NEURL1: variants seen among roughly 807,000 people sequenced by gnomAD.
NEURL1 encodes E3 ubiquitin-protein ligase NEURL1.
A neutral mutation model predicts 41.2 loss-of-function variants in NEURL1; 26 were observed. The observed-to-expected ratio is 0.63, with a 90% CI of 0.46 to 0.87. NEURL1 has a LOEUF of 0.87. Among genes scored for constraint, NEURL1 ranks in the 40% least tolerant of loss-of-function variants. The probability of loss-of-function intolerance (pLI) is 0.00; values close to 1 mark genes in which losing one functional copy is unlikely to be tolerated. For synonymous variants in NEURL1, 400 were observed against 402.3 expected, an observed-to-expected ratio of 0.99 and a Z score of 0.07; for missense variants, 761 against 871.1, an observed-to-expected ratio of 0.87 and a Z score of 1.59.
chr10:103,588,596 G>T (rs2035971333), intron 4 of NEURL1: 4 of 344,194 alleles, frequency 1.2e-5, no homozygotes, highest in South Asian at 8.5e-5. Context: ...CCTTGGTAAG[G>T]ATTTGTTGAA....
At chr10:103,533,629 T>C (rs185095343) in intron 1 of NEURL1, among the ~76,000 whole-genome samples, 30 of 152,176 alleles carry the variant, frequency 2.0e-4, no homozygotes, top group East Asian at 1.5e-3. Flanking sequence ...CTCTGCCTCC[T>C]GGGTTCACAC....
intron 1 of NEURL1, among the ~76,000 whole-genome samples, chr10:103,505,348 C>T (rs1158421452): frequency 1.3e-5 from 2 of 151,812 alleles, no homozygotes; most frequent in Non-Finnish European, 2.9e-5. Flanking sequence ...CTCAGCCTCC[C>T]GAATAGCTGG....
At chr10:103,532,429 T>C (rs935848663) in intron 1 of NEURL1, among the ~76,000 whole-genome samples, 4 of 152,222 alleles carry the variant, frequency 2.6e-5, no homozygotes, top group Admixed American at 2.0e-4. Flanking sequence ...TAGGATTCCA[T>C]TGAGCATTTC....
chr10:103,589,998 G>T, intron 5 of NEURL1, 136 bp from the exon 6 acceptor site: 2 of 916,568 alleles, frequency 2.2e-6, no homozygotes, highest in Non-Finnish European at 3.4e-6. Context: ...TTGTGCCCTG[G>T]AAGTTGGGTT....
chr10:103,548,760 A>G (rs1335916998), intron 1 of NEURL1, among the ~76,000 whole-genome samples: 1 of 152,180 alleles, frequency 6.6e-6, no homozygotes, highest in Non-Finnish European at 1.5e-5. Context: ...GGATGGAGCC[A>G]GGCAGCGGCC....
intron 4 of NEURL1, among the ~76,000 whole-genome samples, chr10:103,585,693 G>T (rs1023129569): frequency 6.6e-6 from 1 of 152,094 alleles, no homozygotes; most frequent in Admixed American, 6.5e-5. Flanking sequence ...AATTAGCGGG[G>T]CATGGTGGTG....
At chr10:103,537,407 A>G (rs1422239722) in intron 1 of NEURL1, among the ~76,000 whole-genome samples, 1 of 151,884 alleles carries the variant, frequency 6.6e-6, no homozygotes, top group African/African-American at 2.4e-5. Flanking sequence ...GCACTCTTAT[A>G]TATATTTTTT....
At position 103,494,277 on chromosome 10, in the gene NEURL1, G is replaced by T. The variant is rs1170930255; in HGVS notation, c.-111G>T. ...CCGCCCCCGGCTGCAGCCCCAGCAG[G>T]GCCCTCCCCCGGTGGCGCGCACCCG... On this transcript the variant is annotated 5_prime_UTR_variant, in exon 1 of 6. Coordinates refer to ENST00000369780, the MANE Select transcript of NEURL1 (RefSeq NM_004210.5). The T allele has an allele frequency of 2.5e-6, 2 of 797,894 alleles. No individual in the cohort carries two copies. Among genetic ancestry groups the T allele is most frequent in the African/African-American group, 3.7e-5 (2 of 53,864 alleles). 49.4% of individuals were successfully genotyped at this position (797,894 alleles called of 1,614,324 possible).
At chr10:103,521,563 G>A (rs183076586) in intron 1 of NEURL1, among the ~76,000 whole-genome samples, 212 of 152,296 alleles carry the variant, frequency 1.4e-3, no homozygotes, top group African/African-American at 4.9e-3. Flanking sequence ...AGATTTCCAT[G>A]ATGGAAAGGA....
intron 1 of NEURL1, among the ~76,000 whole-genome samples, chr10:103,501,719 G>A (rs1489445435): frequency 6.6e-6 from 1 of 151,600 alleles, no homozygotes; most frequent in Non-Finnish European, 1.5e-5. Flanking sequence ...TGCAACCTCT[G>A]CCTCCCGGGT....
chr10:103,523,082 G>A (rs2034389594), intron 1 of NEURL1, among the ~76,000 whole-genome samples: 1 of 152,032 alleles, frequency 6.6e-6, no homozygotes, highest in African/African-American at 2.4e-5. Context: ...TCAAATCAGG[G>A]TAATTAACAT....
intron 1 of NEURL1, among the ~76,000 whole-genome samples, chr10:103,523,618 T>C (rs963325356): frequency 6.6e-6 from 1 of 152,188 alleles, no homozygotes; most frequent in Non-Finnish European, 1.5e-5. Context: ...TCCTTTTCCC[T>C]GCCTCTGGTT....
At chr10:103,572,992 C>CG (rs1554897057) in intron 3 of NEURL1, among the ~76,000 whole-genome samples, 2 of 146,470 alleles carry the variant, frequency 1.4e-5, no homozygotes, top group Non-Finnish European at 3.0e-5. Context: ...GGTTGAAAAC[C>CG]TTTTTTTTTT....
In NEURL1 at chr10:103,558,547, G is replaced by T. The variant is rs573368165; in HGVS notation, c.86-12325G>T. ...TGTGTGTGTGTGTGTGTGTGTGTGTGTAGTGGGGCTGGTGGTGAGGAGTCG... is the reference window on the plus strand; with the variant it reads ...TGTGTGTGTGTGTGTGTGTGTGTGTTTAGTGGGGCTGGTGGTGAGGAGTCG... On this transcript the variant is annotated intron_variant, in intron 1 of 5. Transcript: ENST00000369780. The surrounding 1 kb of genome is among the most constrained non-coding windows in gnomAD (Gnocchi z 4.2). Among the ~76,000 whole-genome samples, 1 of 142,686 alleles carries T rather than the reference G, an allele frequency of 7.0e-6. No individual in the cohort carries two copies. Among genetic ancestry groups the T allele is most frequent in the African/African-American group, 2.6e-5 (1 of 38,334 alleles). 93.6% of individuals were successfully genotyped at this position (142,686 alleles called of 152,430 possible). A position where few individuals can be genotyped will look rare whatever the true frequency, so the allele number is the denominator to read the frequency against.
At position 103,494,453 on chromosome 10, in the gene NEURL1, C is replaced by A. The variant is rs756866626; in HGVS notation, c.66C>A (p.Gly22=). Residue 22 remains glycine (G), a synonymous_variant, in exon 1 of 6, where the codon GGC becomes GGA. Transcript: ENST00000369780. ...PRGNPSRAPR[G]HPQNLKDSIG... ...GAAACCCGAGCCGCGCGCCGCGGGG[C>A]CACCCCCAGAACCTCAAAGGTAGGC... The A allele has an allele frequency of 6.3e-7, 1 of 1,593,078 alleles. No individual in the cohort carries two copies. The highest frequency in any genetic ancestry group is 1.7e-5 in the Admixed American group (1 of 57,808).
intron 1 of NEURL1, among the ~76,000 whole-genome samples, chr10:103,537,599 G>T (rs1000091317): frequency 1.3e-5 from 2 of 152,078 alleles, no homozygotes; most frequent in African/African-American, 4.8e-5. Context: ...TCACCATGTT[G>T]CCCAGAGTGG....
intron 1 of NEURL1, among the ~76,000 whole-genome samples, chr10:103,519,232 G>C (rs978767565): frequency 1.3e-5 from 2 of 152,014 alleles, no homozygotes; most frequent in Non-Finnish European, 2.9e-5. Flanking sequence ...AGGCAACAGA[G>C]CAAGACTCTG....
intron 1 of NEURL1, among the ~76,000 whole-genome samples, chr10:103,523,693 T>C (rs2034403045): frequency 6.6e-6 from 1 of 152,054 alleles, no homozygotes; most frequent in South Asian, 2.1e-4. Context: ...TGAGAACATT[T>C]GCTATTTATC....
intron 1 of NEURL1, among the ~76,000 whole-genome samples, chr10:103,567,688 T>C (rs11191729): frequency 0.083 from 12,593 of 152,282 alleles, 658 homozygotes; most frequent in East Asian, 0.2. Flanking sequence ...TGTGAGCCAC[T>C]GCACCTGGCC....
Sources: allele counts gnomAD v4.1 joint callset (sites outside exome capture counted in the v4.1 genomes callset), GRCh38; gene constraint gnomAD v4.1.1; non-coding constraint Gnocchi (gnomAD v3.1); transcripts MANE v1.5; gene names NCBI Gene and HGNC (gene_info 2026-07-23, HGNC 2026-07-21).